Variants in TMEM175 observed in about 807,000 individuals in gnomAD.
TMEM175 encodes endosomal/lysosomal proton channel TMEM175.
Under a neutral mutation model 36.5 loss-of-function variants are expected in TMEM175, and 36 were observed. That is an observed-to-expected ratio of 0.99 (90% CI 0.76 to 1.30). The LOEUF (loss-of-function observed/expected upper bound fraction) is 1.30. Ranked by LOEUF, TMEM175 falls within the 50% of genes most tolerant of loss-of-function variation. TMEM175 has a pLI of 0.00. For missense variants in TMEM175, 705 were observed against 692.8 expected, an observed-to-expected ratio of 1.02 and a Z score of -0.20; for synonymous variants, 339 against 313.4, an observed-to-expected ratio of 1.08 and a Z score of -0.86.
chr4:935,467 C>T (rs768272246), intron 1 of TMEM175, among the ~76,000 whole-genome samples: 5 of 151,658 alleles, frequency 3.3e-5, no homozygotes, highest in South Asian at 2.3e-4. Context: ...GTGAATTCAT[C>T]GAAAAGACTT....
intron 3 of TMEM175, among the ~76,000 whole-genome samples, chr4:949,310 G>A (rs1039983891): frequency 1.3e-5 from 2 of 152,242 alleles, no homozygotes; most frequent in African/African-American, 4.8e-5. Flanking sequence ...TTCTAGGACT[G>A]TGGTGTTTAG....
At chr4:944,032 C>A (rs1727835795) in intron 1 of TMEM175, among the ~76,000 whole-genome samples, 1 of 152,206 alleles carries the variant, frequency 6.6e-6, no homozygotes, top group Non-Finnish European at 1.5e-5. Flanking sequence ...GTGGCTCACG[C>A]ATGCAATCCC....
rs149909734 is a variant in TMEM175, at chr4:948,135, C to T, written c.173C>T (p.Thr58Met). ...CCTCAGATCCTGCCTGTGACCCACA[C>T]GGAGATCTCCCCAGAACAGGTAACG... is the stretch of plus-strand genomic sequence containing the variant. ...ATVMILPVTH[T>M]EISPEQQFDR... The change falls in exon 3 of 11, where the codon ACG becomes ATG. Residue 58 changes from threonine (T) to methionine (M), a missense_variant. Coordinates refer to ENST00000264771, the MANE Select transcript of TMEM175 (RefSeq NM_032326.4). 208 of 1,614,142 alleles carry T rather than the reference C, an allele frequency of 1.3e-4. No individual in the cohort carries two copies. The highest frequency in any genetic ancestry group is 1.8e-4 in the Admixed American group (11 of 60,024).
intron 1 of TMEM175, among the ~76,000 whole-genome samples, chr4:947,189 G>A (rs1728279165): frequency 6.7e-6 from 1 of 149,694 alleles, no homozygotes; most frequent in Non-Finnish European, 1.5e-5. Flanking sequence ...CGAGACTGAG[G>A]GAGAGCGCGG....
In TMEM175 at chr4:958,612, T is replaced by C; in HGVS notation, c.*116T>C. On this transcript the variant is annotated 3_prime_UTR_variant, in exon 11 of 11. Transcript: ENST00000264771. ...CGCAGTGGTTCTTGCGTGGCCTGGT[T>C]TTATTTTCATTGTGAAATATCATGC... 1 of 793,282 alleles carries C rather than the reference T, an allele frequency of 1.3e-6. No individual in the cohort carries two copies. Among genetic ancestry groups the C allele is most frequent in the Non-Finnish European group, 1.9e-6 (1 of 518,180 alleles). 49.1% of individuals were successfully genotyped at this position (793,282 alleles called of 1,614,324 possible). A position where few individuals can be genotyped will look rare whatever the true frequency, so the allele number is the denominator to read the frequency against.
rs778975503 is a variant in TMEM175 at position 952,412 on chromosome 4, T to A, written c.424T>A (p.Leu142Met). The A allele has an allele frequency of 1.2e-6, 2 of 1,611,574 alleles. No homozygotes were observed. The highest frequency in any genetic ancestry group is 4.5e-5 in the East Asian group (2 of 44,874). The change falls in exon 7 of 11, where the codon TTG becomes ATG. Residue 142 changes from leucine (L) to methionine (M), a missense_variant. Coordinates refer to ENST00000264771, the MANE Select transcript of TMEM175 (RefSeq NM_032326.4). ...TFPDVPLGIF[L>M]FCVCVIAIGV... ...CCCTGATGTGCCTCTGGGCATCTTCTTGTTCTGTGTGTGTGTGATCGCCAT... is the reference window on the plus strand; with the variant it reads ...CCCTGATGTGCCTCTGGGCATCTTCATGTTCTGTGTGTGTGTGATCGCCAT...
At chr4:941,500 G>A (rs902240826) in intron 1 of TMEM175, among the ~76,000 whole-genome samples, 32 of 149,622 alleles carry the variant, frequency 2.1e-4, no homozygotes, top group South Asian at 4.2e-4. Flanking sequence ...GTGCAGTGGC[G>A]TAATCTCGGC....
chr4:952,592 T>TGTGTGTGA, intron 7 of TMEM175, 142 bp downstream of exon 7: 2 of 669,310 alleles, frequency 3.0e-6, no homozygotes, highest in Non-Finnish European at 2.5e-6. Context: ...TGTGTGTGTG[T>TGTGTGTGA]TCACCATCAG....
chr4:946,286 T>C (rs889936804), intron 1 of TMEM175, among the ~76,000 whole-genome samples: 1 of 152,256 alleles, frequency 6.6e-6, no homozygotes, highest in African/African-American at 2.4e-5. Context: ...ACTGCTGCCC[T>C]CTTCCCTGCT....
rs1319460020 is a variant in TMEM175, at chr4:953,299, A to G, written c.572A>G (p.Gln191Arg). The change falls in exon 8 of 11, where the codon CAA becomes CGA. Residue 191 changes from glutamine to arginine, a missense_variant. By Grantham distance (43) the Gln-to-Arg change is conservative. Coordinates refer to ENST00000264771, the MANE Select transcript of TMEM175 (RefSeq NM_032326.4). ...CGACACGTCCTGGGCATCGTCCTCC[A>G]AGGCCCGGCCCTGTGCTTTGCAGCG... Reference protein sequence around the residue: ...YRRHVLGIVLQGPALCFAAAI... With the variant: ...YRRHVLGIVLRGPALCFAAAI... The G allele has an allele frequency of 1.2e-6, 2 of 1,613,898 alleles. No individual in the cohort carries two copies. Among genetic ancestry groups the G allele is most frequent in the East Asian group, 2.2e-5 (1 of 44,872 alleles).
intron 10 of TMEM175, among the ~76,000 whole-genome samples, chr4:957,213 A>T (rs1729793312): frequency 6.6e-6 from 1 of 151,544 alleles, no homozygotes; most frequent in Non-Finnish European, 1.5e-5. Context: ...TGGAGGACAG[A>T]AGTCTGTCTG....
chr4:951,205 A>T lies in TMEM175; in HGVS notation c.291-2A>T. 6.2e-7 allele frequency: 1 copy of T among 1,614,026 alleles called. No individual in the cohort carries two copies. Among genetic ancestry groups the T allele is most frequent in the Non-Finnish European group, 8.5e-7 (1 of 1,179,948 alleles). The stretch of plus-strand genomic sequence containing the variant: ...TGTCTATCTTTTTCTTAAATGGTTT[A>T]GGTTGTTCCAAGTTGTTGGGAAAAC... On this transcript the variant is annotated splice_acceptor_variant, in intron 4 of 10. Transcript: ENST00000264771. LOFTEE classifies it high-confidence loss of function.
intron 1 of TMEM175, among the ~76,000 whole-genome samples, chr4:941,442 T>TC (rs1727490836): frequency 2.0e-5 from 3 of 149,946 alleles, no homozygotes; most frequent in African/African-American, 7.3e-5. Flanking sequence ...TATTTTTCTT[T>TC]TTTTTTTTTT....
chr4:937,183 A>AT (rs1212575747), intron 1 of TMEM175, among the ~76,000 whole-genome samples: 1 of 152,236 alleles, frequency 6.6e-6, no homozygotes, highest in Non-Finnish European at 1.5e-5. Flanking sequence ...AAAAATGTAA[A>AT]TTTTTTAAGA....
chr4:940,865 G>A (rs1727358752), intron 1 of TMEM175, among the ~76,000 whole-genome samples: 1 of 151,532 alleles, frequency 6.6e-6, no homozygotes, highest in African/African-American at 2.4e-5. Flanking sequence ...AATTAGCCAG[G>A]CGTGGTGGCG....
intron 1 of TMEM175, among the ~76,000 whole-genome samples, chr4:939,178 T>A (rs1378095369): frequency 2.6e-5 from 4 of 152,228 alleles, no homozygotes; most frequent in Non-Finnish European, 5.9e-5. Flanking sequence ...GACCCACAGG[T>A]ATCTATGCTG....
At chr4:950,598 T>C in intron 4 of TMEM175, 80 bp downstream of exon 4, 1 of 1,120,968 alleles carries the variant, frequency 8.9e-7, no homozygotes, top group Non-Finnish European at 1.4e-6. Flanking sequence ...CACGGGTCCA[T>C]GGGGTCGGGG....
chr4:945,196 T>G (rs1727985940), intron 1 of TMEM175, among the ~76,000 whole-genome samples: 1 of 85,000 alleles, frequency 1.2e-5, no homozygotes, highest in Non-Finnish European at 2.7e-5. Flanking sequence ...AATGGACCCT[T>G]GGAGGGTATG....
At chr4:939,296 T>C (rs1727151249) in intron 1 of TMEM175, among the ~76,000 whole-genome samples, 1 of 152,230 alleles carries the variant, frequency 6.6e-6, no homozygotes, top group South Asian at 2.1e-4. Flanking sequence ...AAAAGGAACC[T>C]TGGGCCGGGT....
Sources: gnomAD v4.1 joint callset for allele counts (sites outside exome capture counted in the v4.1 genomes callset) on GRCh38, gnomAD v4.1.1 for gene constraint, MANE v1.5 for transcripts, NCBI Gene and HGNC (gene_info 2026-07-23, HGNC 2026-07-21) for gene names.